The following PGPEP1L variants were observed in gnomAD, a reference collection of about 807,000 sequenced individuals.
PGPEP1L encodes pyroglutamyl-peptidase 1-like protein.
Under a neutral mutation model 6.0 loss-of-function variants are expected in PGPEP1L, and 7 were observed. The ratio of observed to expected loss-of-function variants is 1.17; its 90% CI spans 0.66 to 2.19. The LOEUF (loss-of-function observed/expected upper bound fraction) is 2.19. PGPEP1L is among the 30% of genes most tolerant of loss of function. The pLI is 0.00. For synonymous variants in PGPEP1L, 103 were observed against 83.9 expected (o/e 1.23, Z -1.24); for missense variants, 209 against 192.5 (o/e 1.09, Z -0.51).
At chr15:98,979,914 T>G (rs1212902769) in intron 2 of PGPEP1L, among the ~76,000 whole-genome samples, 1 of 152,106 alleles carries the variant, frequency 6.6e-6, no homozygotes, top group Non-Finnish European at 1.5e-5. Flanking sequence ...ACTATTATTC[T>G]AAGTGAAGTA....
chr15:98,981,696 T>C (rs374539591), intron 2 of PGPEP1L, among the ~76,000 whole-genome samples: 17 of 152,282 alleles, frequency 1.1e-4, no homozygotes, highest in African/African-American at 3.6e-4. Flanking sequence ...GGTAATATAT[T>C]CCTACTGGTT....
chr15:98,983,158 G>GGAA (rs773903560), intron 2 of PGPEP1L, among the ~76,000 whole-genome samples: 1,523 of 75,240 alleles, frequency 0.02, 30 homozygotes, highest in African/African-American at 0.04. Context: ...GTTCTCTTGG[G>GGAA]AAAAAAAAAA....
At chr15:98,980,059 T>A (rs1355467354) in intron 2 of PGPEP1L, among the ~76,000 whole-genome samples, 2 of 152,120 alleles carry the variant, frequency 1.3e-5, no homozygotes, top group Non-Finnish European at 2.9e-5. Context: ...AGGTGAGGGA[T>A]GAAAGACTAC....
At chr15:98,971,183 G>T (rs751529279) in intron 2 of PGPEP1L, 25 bp from the exon 3 acceptor site, 7 of 1,234,736 alleles carry the variant, frequency 5.7e-6, no homozygotes, top group Middle Eastern at 4.4e-4. Flanking sequence ...AGGTGGACTT[G>T]CCTCAGTTGA....
chr15:99,006,678 C>G (rs1435445028), intron 1 of PGPEP1L, among the ~76,000 whole-genome samples: 1 of 152,256 alleles, frequency 6.6e-6, no homozygotes, highest in East Asian at 1.9e-4. Context: ...TTTTTCAAAA[C>G]GTGGTATATG....
intron 2 of PGPEP1L, among the ~76,000 whole-genome samples, chr15:98,993,337 C>T (rs2017843244): frequency 6.6e-6 from 1 of 152,046 alleles, no homozygotes; most frequent in East Asian, 1.9e-4. Context: ...GGCCAAGAAA[C>T]ATATAAAAAA....
chr15:98,977,603 T>C (rs777585221), intron 2 of PGPEP1L, among the ~76,000 whole-genome samples: 2 of 152,246 alleles, frequency 1.3e-5, no homozygotes, highest in Admixed American at 6.5e-5. Context: ...GCCCAGGGTA[T>C]AGTCTCTGTC....
At chr15:98,989,096 C>A (rs782240294) in intron 2 of PGPEP1L, among the ~76,000 whole-genome samples, 42 of 152,158 alleles carry the variant, frequency 2.8e-4, no homozygotes, top group Non-Finnish European at 4.7e-4. Context: ...ATCACAGCTC[C>A]TTGCCAGCAA....
chr15:99,006,043 A>G (rs1361896512), intron 1 of PGPEP1L, among the ~76,000 whole-genome samples: 1 of 152,092 alleles, frequency 6.6e-6, no homozygotes, highest in Non-Finnish European at 1.5e-5. Flanking sequence ...TGTGAGCAGA[A>G]AAAAAAGAGA....
chr15:98,979,630 ATTCTTTTTTTTTTTTTTTTTT>A (rs1435934270), intron 2 of PGPEP1L, among the ~76,000 whole-genome samples: 2 of 105,924 alleles, frequency 1.9e-5, no homozygotes, highest in African/African-American at 3.8e-5. Context: ...ATTGGAGACT[ATTCTTTTTTTTTTTTTTTTTT>A]TTTTTTTTTT....
chr15:98,976,961 C>T (rs765511404), intron 2 of PGPEP1L, among the ~76,000 whole-genome samples: 8 of 149,680 alleles, frequency 5.3e-5, no homozygotes, highest in Non-Finnish European at 8.8e-5. Context: ...ACTGTATCCA[C>T]CATAATGATT....
chr15:98,986,099 C>G (rs1450606634), intron 2 of PGPEP1L, among the ~76,000 whole-genome samples: 1 of 152,206 alleles, frequency 6.6e-6, no homozygotes, highest in Non-Finnish European at 1.5e-5. Flanking sequence ...TCTCCCTAAA[C>G]AGGAACCCCT....
At position 98,969,640 on chromosome 15, in the gene PGPEP1L, A is replaced by G. The variant is rs1362083462; in HGVS notation, c.-7T>C. On this transcript the variant is annotated 5_prime_UTR_variant, in exon 4 of 5. An upstream start codon of the reference 5' UTR is lost. Transcript: ENST00000535714. ...CCTTGGCGGCGGTGTCCATGCCCAC[A>G]TGCACGACGAGCTGTGTGAACGGGT... 1 of 1,611,352 alleles carries G rather than the reference A, an allele frequency of 6.2e-7. No homozygotes were observed. The highest frequency in any genetic ancestry group is 1.7e-5 in the Admixed American group (1 of 59,990).
chr15:99,002,272 A>G (rs1403609832), intron 2 of PGPEP1L, among the ~76,000 whole-genome samples: 1 of 152,200 alleles, frequency 6.6e-6, no homozygotes, highest in Non-Finnish European at 1.5e-5. Flanking sequence ...CTGGGATTAC[A>G]GGTGTGAGTC....
At chr15:99,004,545 C>G (rs2018020479) in intron 2 of PGPEP1L, among the ~76,000 whole-genome samples, 1 of 152,072 alleles carries the variant, frequency 6.6e-6, no homozygotes, top group South Asian at 2.1e-4. Context: ...TGGTGAAACC[C>G]CATCTCTACT....
chr15:98,975,347 A>G lies in PGPEP1L; in HGVS notation c.-141-4189T>C, dbSNP rs185741722. On this transcript the variant is annotated intron_variant, in intron 2 of 4. Transcript: ENST00000535714. ...GGATGAACGGGAGGGAAGTATGAAA[A>G]GAGGTTGGTTATTGGATACAAAAAT... is the stretch of plus-strand genomic sequence containing the variant. Among the ~76,000 whole-genome samples the G allele has an allele frequency of 8.5e-4, 130 of 152,342 alleles. 1 individual carries two copies. In the East Asian group the frequency reaches 0.018, roughly 21 times the overall value.
chr15:98,981,894 G>T (rs2017669525), intron 2 of PGPEP1L, among the ~76,000 whole-genome samples: 1 of 152,192 alleles, frequency 6.6e-6, no homozygotes, highest in African/African-American at 2.4e-5. Flanking sequence ...CCCTGGAAAA[G>T]GGTAAGGACT....
rs191790541 is a variant in PGPEP1L at position 98,999,710 on chromosome 15, G to A, written c.-142+5719C>T. On this transcript the variant is annotated intron_variant, in intron 2 of 4. Coordinates refer to ENST00000535714, the MANE Select transcript of PGPEP1L (RefSeq NM_001167902.2). ...TGGGTTAACAGTCAAACCAATCATG[G>A]TTCACCCATCTCACAGAATACACTC... Among the ~76,000 whole-genome samples the A allele has an allele frequency of 1.3e-3, 205 of 152,322 alleles. 1 individual carries two copies. Among genetic ancestry groups the A allele is most frequent in the African/African-American group, 4.8e-3 (199 of 41,580 alleles).
chr15:99,006,995 C>T (rs782277502), intron 1 of PGPEP1L, among the ~76,000 whole-genome samples: 4 of 152,156 alleles, frequency 2.6e-5, no homozygotes, highest in South Asian at 2.1e-4. Flanking sequence ...CACGTGGCTC[C>T]ATCTGCTGAA....
Sources: gnomAD v4.1 joint callset for allele counts (sites outside exome capture counted in the v4.1 genomes callset) on GRCh38, gnomAD v4.1.1 for gene constraint, MANE v1.5 for transcripts, NCBI Gene and HGNC (gene_info 2026-07-23, HGNC 2026-07-21) for gene names.